C9orf85: variants seen among roughly 807,000 people sequenced by gnomAD.
The protein encoded by C9orf85 is uncharacterized protein C9orf85.
In C9orf85, 16 loss-of-function variants were observed where a neutral mutation model predicts 14.9. The observed-to-expected ratio is 1.08, with a 90% confidence interval of 0.73 to 1.63. The LOEUF is 1.63. Ranked by LOEUF, C9orf85 falls within the 40% of genes most tolerant of loss-of-function variation. The pLI is 0.00. For synonymous variants in C9orf85, 45 were observed against 56.8 expected (o/e 0.79, Z 0.93); for missense variants, 172 against 186.1 (o/e 0.92, Z 0.44).
chr9:71,924,874 T>C (rs1212628292), intron 1 of C9orf85, among the ~76,000 whole-genome samples: 4 of 152,232 alleles, frequency 2.6e-5, no homozygotes, highest in East Asian at 3.8e-4. Context: ...TAATGCTAAA[T>C]CTGGTTTTCA....
intron 1 of C9orf85, among the ~76,000 whole-genome samples, chr9:71,919,718 C>T (rs769124077): frequency 2.0e-5 from 3 of 152,070 alleles, no homozygotes; most frequent in Non-Finnish European, 2.9e-5. Flanking sequence ...AATTGTAATC[C>T]GTACTATTGT....
At chr9:71,935,874 A>C (rs769064502) in intron 1 of C9orf85, among the ~76,000 whole-genome samples, 1 of 143,022 alleles carries the variant, frequency 7.0e-6, no homozygotes, top group Non-Finnish European at 1.5e-5. Context: ...TTAAGTTGGT[A>C]AATTTTATGC....
At chr9:71,964,898 C>G (rs1822647648) in intron 2 of C9orf85, among the ~76,000 whole-genome samples, 1 of 152,178 alleles carries the variant, frequency 6.6e-6, no homozygotes, top group Non-Finnish European at 1.5e-5. Context: ...TTAGGACGAA[C>G]CCGGGCACTT....
At chr9:71,930,427 CTTA>C (rs369505090) in intron 1 of C9orf85, among the ~76,000 whole-genome samples, 74 of 152,198 alleles carry the variant, frequency 4.9e-4, no homozygotes, top group African/African-American at 1.7e-3. Context: ...CCCCAAAATA[CTTA>C]TTACTCTCCC....
At chr9:71,924,188 T>C (rs937608626) in intron 1 of C9orf85, among the ~76,000 whole-genome samples, 3 of 152,236 alleles carry the variant, frequency 2.0e-5, no homozygotes, top group Non-Finnish European at 4.4e-5. Context: ...AAATATCAAG[T>C]GAACTTAGAC....
intron 1 of C9orf85, among the ~76,000 whole-genome samples, chr9:71,932,700 C>T (rs932287124): frequency 2.6e-5 from 4 of 151,982 alleles, no homozygotes; most frequent in Non-Finnish European, 4.4e-5. Context: ...TTCAAATGTT[C>T]GGTTTTCAAG....
At chr9:71,923,975 G>C (rs1345171354) in intron 1 of C9orf85, among the ~76,000 whole-genome samples, 2 of 152,082 alleles carry the variant, frequency 1.3e-5, no homozygotes, top group East Asian at 3.9e-4. Context: ...GTGGCTTTTG[G>C]GGACAGATAC....
chr9:71,914,761 A>G (rs929408778), intron 1 of C9orf85, among the ~76,000 whole-genome samples: 1 of 152,198 alleles, frequency 6.6e-6, no homozygotes, highest in Non-Finnish European at 1.5e-5. Flanking sequence ...TCAGCTCAAT[A>G]TGAGGGAATT....
chr9:71,929,973 G>A (rs983718098), intron 1 of C9orf85, among the ~76,000 whole-genome samples: 3 of 150,322 alleles, frequency 2.0e-5, no homozygotes, highest in Non-Finnish European at 2.9e-5. Context: ...TGCAAAACGA[G>A]GATAATTATA....
At chr9:71,971,479 A>G (rs1477769452) in intron 2 of C9orf85, 26 bp from the exon 3 acceptor site, 1 of 1,313,600 alleles carries the variant, frequency 7.6e-7, no homozygotes, top group Non-Finnish European at 1.1e-6. Context: ...AACATAAATA[A>G]GTTAACATTT....
At chr9:71,921,981 G>GC (rs57016386) in intron 1 of C9orf85, among the ~76,000 whole-genome samples, 150,607 of 151,434 alleles carry the variant, frequency 0.99, 74,902 homozygotes, top group Middle Eastern at 1. Flanking sequence ...TTGCTCTGTC[G>GC]CCAGGCTAGA....
chr9:71,937,886 T>C (rs577458278), intron 1 of C9orf85, among the ~76,000 whole-genome samples: 17 of 152,172 alleles, frequency 1.1e-4, no homozygotes, highest in Non-Finnish European at 2.1e-4. Context: ...AGAATTCTTA[T>C]AAGTGTTGAT....
intron 3 of C9orf85, among the ~76,000 whole-genome samples, chr9:71,979,562 AACATTTAT>A (rs1244573935): frequency 1.3e-5 from 2 of 152,148 alleles, no homozygotes; most frequent in Non-Finnish European, 2.9e-5. Flanking sequence ...CTCCAATGAA[AACATTTAT>A]ACAGGAAAGT....
In C9orf85 at chr9:71,966,328, C is replaced by T. The variant is rs150288454; in HGVS notation, c.210-5177C>T. 2.0e-5 allele frequency among the ~76,000 whole-genome samples: 3 copies of T among 150,810 alleles called. No individual in the cohort carries two copies. In the East Asian group the frequency reaches 5.8e-4, roughly 29 times the overall value. ...AATTCAGCTGAATTTTTTCTTTTAA[C>T]ATGTGTATTCCATAAAGAAATGAAA... On this transcript the variant is annotated intron_variant, in intron 2 of 3. Transcript: ENST00000334731.
chr9:71,968,627 C>T (rs1053667389), intron 2 of C9orf85, among the ~76,000 whole-genome samples: 17 of 152,202 alleles, frequency 1.1e-4, no homozygotes, highest in African/African-American at 3.6e-4. Flanking sequence ...GAGACAGAGT[C>T]TTGCTTTGTC....
At chr9:71,942,439 C>T (rs1025000483) in intron 1 of C9orf85, among the ~76,000 whole-genome samples, 2 of 152,194 alleles carry the variant, frequency 1.3e-5, no homozygotes, top group African/African-American at 2.4e-5. Flanking sequence ...CTAACAAGTG[C>T]ACTTTCCAGC....
intron 1 of C9orf85, among the ~76,000 whole-genome samples, chr9:71,920,478 C>T (rs986083567): frequency 6.6e-6 from 1 of 152,116 alleles, no homozygotes; most frequent in African/African-American, 2.4e-5. Flanking sequence ...TGAATTCACC[C>T]CCAAATGGGC....
At chr9:71,917,475 A>C (rs1175957475) in intron 1 of C9orf85, among the ~76,000 whole-genome samples, 1 of 152,228 alleles carries the variant, frequency 6.6e-6, no homozygotes, top group East Asian at 1.9e-4. Flanking sequence ...TTATGATTGC[A>C]TTTATACAGC....
downstream of C9orf85, chr9:71,973,521 A>G (rs1822944396): frequency 6.6e-6 from 1 of 152,252 alleles, no homozygotes; most frequent in Non-Finnish European, 1.5e-5. Flanking sequence ...ATAATGTTTA[A>G]CAAGCGTATA....
Sources: allele counts gnomAD v4.1 joint callset (sites outside exome capture counted in the v4.1 genomes callset), GRCh38; gene constraint gnomAD v4.1.1; transcripts MANE v1.5; gene names NCBI Gene and HGNC (gene_info 2026-07-23, HGNC 2026-07-21).